FBXO7: variants seen among roughly 807,000 people sequenced by gnomAD.
The protein encoded by FBXO7 is F-box protein 7, also known as F-box only protein 7.
In FBXO7, 31 loss-of-function variants were observed where a neutral mutation model predicts 50.2. The observed-to-expected ratio is 0.62, with a 90% CI of 0.46 to 0.83. The LOEUF (loss-of-function observed/expected upper bound fraction) is 0.83, where lower values mean the gene tolerates loss of function less well. Ranked by LOEUF, FBXO7 falls within the 40% of genes least tolerant of loss-of-function variation. FBXO7 has a pLI of 0.00. For missense variants in FBXO7, 667 were observed against 646.6 expected (o/e 1.03, Z -0.34); for synonymous variants, 256 against 253.1 (o/e 1.01, Z -0.11).
chr22:32,489,422 C>A (rs1265389301), intron 5 of FBXO7: 4 of 152,192 alleles, frequency 2.6e-5, no homozygotes, highest in African/African-American at 9.7e-5. Flanking sequence ...TACGACACTC[C>A]ATATTTATCA....
chr22:32,482,313 C>A (rs1227440120), intron 2 of FBXO7, among the ~76,000 whole-genome samples: 4 of 152,150 alleles, frequency 2.6e-5, no homozygotes, highest in African/African-American at 9.7e-5. Flanking sequence ...CTTAGGTCCT[C>A]AGAGATTTTG....
At chr22:32,478,545 T>C (rs969654741) in intron 1 of FBXO7, among the ~76,000 whole-genome samples, 1 of 152,152 alleles carries the variant, frequency 6.6e-6, no homozygotes, top group East Asian at 1.9e-4. Context: ...CATTGATAAA[T>C]ACTTTTGATA....
chr22:32,494,866 A>T (rs1601517725), intron 7 of FBXO7, among the ~76,000 whole-genome samples: 2 of 152,226 alleles, frequency 1.3e-5, no homozygotes, highest in Admixed American at 1.3e-4. Flanking sequence ...TGTAGAGAAG[A>T]TATCATCTTT....
chr22:32,484,175 G>T, intron 3 of FBXO7, 51 bp downstream of exon 3: 1 of 1,500,794 alleles, frequency 6.7e-7, no homozygotes, highest in Non-Finnish European at 9.3e-7. Flanking sequence ...CATACATGTG[G>T]ATGGTTCCTG....
intron 3 of FBXO7, among the ~76,000 whole-genome samples, chr22:32,484,363 C>G (rs1458235268): frequency 6.6e-6 from 1 of 152,116 alleles, no homozygotes; most frequent in Non-Finnish European, 1.5e-5. Context: ...ACCTGGGGAC[C>G]TTATTAAAAT....
In FBXO7 at chr22:32,498,808, G is replaced by A. The variant is rs2057595646; in HGVS notation, c.*278G>A. On this transcript the variant is annotated 3_prime_UTR_variant, in exon 9 of 9. Coordinates refer to ENST00000266087, the MANE Select transcript of FBXO7 (RefSeq NM_012179.4). ...TTGTTTTCTGATGCTGTTCTTACCAGATTAAAAAAAAGTGTAAATTACATG... is the reference window on the plus strand; with the variant it reads ...TTGTTTTCTGATGCTGTTCTTACCAAATTAAAAAAAAGTGTAAATTACATG... 1 of 453,610 alleles carries A rather than the reference G, an allele frequency of 2.2e-6. No homozygotes were observed. Among genetic ancestry groups the A allele is most frequent in the South Asian group, 3.1e-5 (1 of 31,880 alleles). The allele number at this position is 453,610 out of a possible 1,614,324, so 28.1% of individuals were successfully genotyped here. A position where few individuals can be genotyped will look rare whatever the true frequency, so the allele number is the denominator to read the frequency against.
In FBXO7 at chr22:32,494,832, T is replaced by C. The variant is rs1446735541; in HGVS notation, c.1145-661T>C. Among the ~76,000 whole-genome samples, 3 of 152,244 alleles carry C rather than the reference T, an allele frequency of 2.0e-5. No homozygotes were observed. In the East Asian group the frequency reaches 5.8e-4, roughly 29 times the overall value. On this transcript the variant is annotated intron_variant, in intron 7 of 8. Coordinates refer to ENST00000266087, the MANE Select transcript of FBXO7 (RefSeq NM_012179.4). Reference sequence around the variant, plus strand: ...ACGGAGCTAGAGCTTTTATAAATCTTACTTCCATGCTAATGTAGTAACTTG... The same window carrying C: ...ACGGAGCTAGAGCTTTTATAAATCTCACTTCCATGCTAATGTAGTAACTTG...
At chr22:32,480,289 T>G (rs1047415644) in intron 2 of FBXO7, among the ~76,000 whole-genome samples, 1 of 152,150 alleles carries the variant, frequency 6.6e-6, no homozygotes, top group Non-Finnish European at 1.5e-5. Flanking sequence ...AAGAGGAAAA[T>G]GGTGTCTGTC....
intron 5 of FBXO7, chr22:32,489,892 TTAAA>T (rs1177598806): frequency 2.6e-5 from 4 of 152,362 alleles, no homozygotes; most frequent in Non-Finnish European, 5.9e-5. Context: ...AAGTTCCTAA[TTAAA>T]TAGTTACATA....
At chr22:32,485,313 T>A in intron 4 of FBXO7, 104 bp downstream of exon 4, 1 of 1,366,228 alleles carries the variant, frequency 7.3e-7, no homozygotes, top group Non-Finnish European at 1.0e-6. Context: ...GATACAGTTG[T>A]GAGTCCTTCT....
chr22:32,497,160 T>A lies in FBXO7; in HGVS notation c.1183-984T>A, dbSNP rs191013213. On this transcript the variant is annotated intron_variant, in intron 8 of 8. Coordinates refer to ENST00000266087, the MANE Select transcript of FBXO7 (RefSeq NM_012179.4). ...AAAGAGAGAAAGTGGTTTCTTTTTT[T>A]AAAAAAATGTCAATAGTTTTTGGGG... 5.1e-3 allele frequency among the ~76,000 whole-genome samples: 770 copies of A among 152,310 alleles called. 2 individuals are homozygous for A. Among genetic ancestry groups the A allele is most frequent in the Non-Finnish European group, 8.2e-3 (560 of 68,004 alleles).
Position 32,475,119 on chromosome 22 carries a change from G to C in FBXO7, c.117G>C (p.Gly39=). The change falls in exon 1 of 9, where the codon GGG becomes GGC. Residue 39 remains glycine, a synonymous_variant. Coordinates refer to ENST00000266087, the MANE Select transcript of FBXO7 (RefSeq NM_012179.4). ...HLRQSLLCTW[G]YSSNTRFTIT... ...GGCAGTCCCTGCTGTGCACCTGGGGGTACAGGTACGCTGGGGCCGGGGCTG... is the reference window on the plus strand; with the variant it reads ...GGCAGTCCCTGCTGTGCACCTGGGGCTACAGGTACGCTGGGGCCGGGGCTG... The C allele has an allele frequency of 6.5e-7, 1 of 1,539,356 alleles. No individual in the cohort carries two copies. The highest frequency in any genetic ancestry group is 8.8e-7 in the Non-Finnish European group (1 of 1,142,434).
At chr22:32,475,526 T>G (rs1175312720) in intron 1 of FBXO7, 2 of 1,133,918 alleles carry the variant, frequency 1.8e-6, no homozygotes, top group East Asian at 5.7e-5. Context: ...TTCTGGACTG[T>G]GAGGGGTCCG....
At chr22:32,496,907 T>TTAAG (rs1242125289) in intron 8 of FBXO7, among the ~76,000 whole-genome samples, 1 of 152,224 alleles carries the variant, frequency 6.6e-6, no homozygotes, top group Non-Finnish European at 1.5e-5. Context: ...CTAGATGCCA[T>TTAAG]TAAGCATACT....
Position 32,487,730 on chromosome 22 carries a change from T to A in FBXO7, c.788-15T>A, listed in dbSNP as rs756445853. Reference sequence around the variant, plus strand: ...TGACAGAATTCTTTATCATCTTTCTTTTGTTTATTTACAGCTACACTAAAA... The same window carrying A: ...TGACAGAATTCTTTATCATCTTTCTATTGTTTATTTACAGCTACACTAAAA... On this transcript the variant is annotated splice_polypyrimidine_tract_variant and intron_variant, in intron 4 of 8. Transcript: ENST00000266087. The A allele has an allele frequency of 1.2e-5, 19 of 1,552,756 alleles. No homozygotes were observed. Among genetic ancestry groups the A allele is most frequent in the Non-Finnish European group, 1.6e-5 (18 of 1,126,026 alleles).
At chr22:32,490,870 A>G (rs1228229859) in intron 5 of FBXO7, 4 of 509,868 alleles carry the variant, frequency 7.8e-6, no homozygotes, top group Admixed American at 6.5e-5. Flanking sequence ...GCACAGCTCT[A>G]CTAATTTGAT....
chr22:32,490,320 A>G (rs2057526437), intron 5 of FBXO7: 1 of 152,214 alleles, frequency 6.6e-6, no homozygotes, highest in African/African-American at 2.4e-5. Context: ...AAATAGCAAA[A>G]CAAGTGGGAA....
Position 32,485,069 on chromosome 22 carries a change from G to T in FBXO7, c.647G>T (p.Gly216Val), listed in dbSNP as rs747752027. 2.5e-6 allele frequency: 4 copies of T among 1,613,948 alleles called. No individual in the cohort carries two copies. Among genetic ancestry groups the T allele is most frequent in the African/African-American group, 2.7e-5 (2 of 74,862 alleles). Residue 216 changes from glycine (G) to valine (V), a missense_variant and splice_region_variant, in exon 4 of 9, where the codon GGC becomes GTC. Transcript: ENST00000266087. ...LMLESGYIPQ[G>V]TEAKALSMPE... is the part of the protein sequence containing the mutation. ...TTTCCCTTTCATTTCGTTCCCCAGG[G>T]CACCGAAGCCAAAGCACTGTCCATG...
intron 6 of FBXO7, chr22:32,492,165 T>G (rs1190979817): frequency 6.6e-6 from 1 of 152,208 alleles, no homozygotes; most frequent in African/African-American, 2.4e-5. Flanking sequence ...ACCACAATTC[T>G]CCAACTAGTA....
Sources: gnomAD v4.1 joint callset for allele counts (sites outside exome capture counted in the v4.1 genomes callset) on GRCh38, gnomAD v4.1.1 for gene constraint, MANE v1.5 for transcripts, NCBI Gene and HGNC (gene_info 2026-07-23, HGNC 2026-07-21) for gene names.